Variants in LTBP1 observed in about 807,000 individuals in gnomAD.
The protein encoded by LTBP1 is latent transforming growth factor beta binding protein 1.
In LTBP1, 129 loss-of-function variants were observed where a neutral mutation model predicts 207.6. That is an observed-to-expected ratio of 0.62 (90% confidence interval 0.54 to 0.72). The LOEUF (loss-of-function observed/expected upper bound fraction) is 0.72. Ranked by LOEUF, LTBP1 falls within the 30% of genes least tolerant of loss-of-function variation. The pLI, the probability that LTBP1 is intolerant of heterozygous loss-of-function variation, is 0.00. For synonymous variants in LTBP1, 963 were observed against 833.7 expected (o/e 1.16, Z -2.67); for missense variants, 2,281 against 2,217.2 (o/e 1.03, Z -0.58).
At chr2:33,061,085 T>C (rs982213533) in intron 3 of LTBP1, among the ~76,000 whole-genome samples, 23 of 152,234 alleles carry the variant, frequency 1.5e-4, no homozygotes, top group Admixed American at 7.8e-4. Context: ...GATAAGGCAA[T>C]TGAAGTATTT....
At chr2:33,232,667 G>A (rs1377945) in intron 9 of LTBP1, among the ~76,000 whole-genome samples, 1 of 151,890 alleles carries the variant, frequency 6.6e-6, no homozygotes, top group Non-Finnish European at 1.5e-5. Flanking sequence ...ACAACAAATA[G>A]GTTTTTAAAG....
chr2:33,287,942 C>A (rs2093697291), intron 19 of LTBP1, among the ~76,000 whole-genome samples: 1 of 152,138 alleles, frequency 6.6e-6, no homozygotes, highest in African/African-American at 2.4e-5. Context: ...GTTCTTCCAT[C>A]TTCTTTAATA....
chr2:33,285,461 T>G (rs2093647728), intron 19 of LTBP1, among the ~76,000 whole-genome samples: 1 of 148,928 alleles, frequency 6.7e-6, no homozygotes, highest in African/African-American at 2.5e-5. Context: ...CTTTTTTTTT[T>G]TTTTTGAGAC....
rs147503716 is a variant in LTBP1 at position 33,354,795 on chromosome 2, G to A, written c.4001-5802G>A. On this transcript the variant is annotated intron_variant, in intron 26 of 33. Transcript: ENST00000404816. ...CTCGCTCTGTTGCCCAGGCTGGAGT[G>A]TAGTGTACGATCATGGTTCACTGCA... is the stretch of plus-strand genomic sequence containing the variant. Among the ~76,000 whole-genome samples the A allele has an allele frequency of 1.0e-3, 153 of 151,944 alleles. 3 individuals carry two copies. The highest frequency in any genetic ancestry group is 3.4e-3 in the African/African-American group (141 of 41,396).
rs537790966 is a variant in LTBP1 at position 33,349,127 on chromosome 2, C to T, written c.4000+1617C>T. ...ACTAGAAATCATAAAAAGGTAACAT[C>T]TTCTAAATTTAATTTTTAACTCAAA... is the stretch of plus-strand genomic sequence containing the variant. On this transcript the variant is annotated intron_variant, in intron 26 of 33. Transcript: ENST00000404816. Among the ~76,000 whole-genome samples, 3 of 152,268 alleles carry T rather than the reference C, an allele frequency of 2.0e-5. No homozygotes were observed. The East Asian group carries it at 5.8e-4, about 29-fold the overall frequency.
At chr2:33,317,410 G>T (rs991952550) in intron 24 of LTBP1, among the ~76,000 whole-genome samples, 1 of 152,216 alleles carries the variant, frequency 6.6e-6, no homozygotes, top group Admixed American at 6.5e-5. Context: ...TCTTTCTGGA[G>T]TAAGTTCTGC....
At chr2:33,037,780 T>C (rs970776285) in intron 3 of LTBP1, among the ~76,000 whole-genome samples, 5 of 152,224 alleles carry the variant, frequency 3.3e-5, no homozygotes, top group African/African-American at 1.2e-4. Context: ...TGCCGTGGCA[T>C]GACCATGGCT....
intron 5 of LTBP1, among the ~76,000 whole-genome samples, chr2:33,166,069 T>TG (rs1305772900): frequency 6.2e-5 from 3 of 48,406 alleles, no homozygotes; most frequent in African/African-American, 1.6e-4. Flanking sequence ...TAATGTATGT[T>TG]TTTTTTTTTT....
At chr2:33,079,651 C>T (rs531026071) in intron 3 of LTBP1, among the ~76,000 whole-genome samples, 123 of 152,140 alleles carry the variant, frequency 8.1e-4, no homozygotes, top group African/African-American at 2.8e-3. Context: ...CCAGTTGCAC[C>T]CTGCTTTCTG....
intron 2 of LTBP1, among the ~76,000 whole-genome samples, chr2:32,955,004 G>A (rs1677850988): frequency 6.6e-6 from 1 of 152,196 alleles, no homozygotes; most frequent in African/African-American, 2.4e-5. Flanking sequence ...ACACATGAAT[G>A]TCCAGCGGGA....
Position 33,227,995 on chromosome 2 carries a change from C to T in LTBP1, c.1876+5844C>T, listed in dbSNP as rs139133254. Among the ~76,000 whole-genome samples the T allele has an allele frequency of 6.7e-3, 1,013 of 151,766 alleles. 8 individuals are homozygous for T. Among genetic ancestry groups the T allele is most frequent in the Middle Eastern group, 0.031 (9 of 292 alleles). ...ACTTTTTTTATATTTTCAGTAGAGACGGGGTTTCACTGTGTTGGCCAGGAA... is the reference window on the plus strand; with the variant it reads ...ACTTTTTTTATATTTTCAGTAGAGATGGGGTTTCACTGTGTTGGCCAGGAA... On this transcript the variant is annotated intron_variant, in intron 9 of 33. Coordinates refer to ENST00000404816, the MANE Select transcript of LTBP1 (RefSeq NM_206943.4).
chr2:33,256,631 T>C (rs2092859341), intron 11 of LTBP1, among the ~76,000 whole-genome samples: 1 of 150,138 alleles, frequency 6.7e-6, no homozygotes. Context: ...ACATATAGTG[T>C]CTTCTATATA....
chr2:32,959,603 A>ATATATG (rs1367892055), intron 2 of LTBP1, among the ~76,000 whole-genome samples: 1,501 of 40,788 alleles, frequency 0.037, 61 homozygotes, highest in Middle Eastern at 0.089. Context: ...ACGTGTATAT[A>ATATATG]TATATATATA....
intron 9 of LTBP1, among the ~76,000 whole-genome samples, chr2:33,240,644 TC>T (rs1471905733): frequency 8.3e-5 from 12 of 145,076 alleles, no homozygotes; most frequent in Non-Finnish European, 1.2e-4. Context: ...ATGGAAACAT[TC>T]TTTTTTTTTT....
chr2:32,970,439 G>A (rs1680680583), intron 2 of LTBP1, among the ~76,000 whole-genome samples: 2 of 152,046 alleles, frequency 1.3e-5, no homozygotes, highest in African/African-American at 4.8e-5. Context: ...TTTTGTATAT[G>A]GTGTAAGGAA....
At chr2:33,171,854 A>C (rs2085489033) in intron 5 of LTBP1, among the ~76,000 whole-genome samples, 1 of 152,340 alleles carries the variant, frequency 6.6e-6, no homozygotes, top group African/African-American at 2.4e-5. Flanking sequence ...GCCAATATTC[A>C]ACATTCTTAA....
intron 13 of LTBP1, among the ~76,000 whole-genome samples, chr2:33,260,505 C>T (rs2147956605): frequency 6.6e-6 from 1 of 152,220 alleles, no homozygotes; most frequent in African/African-American, 2.4e-5. Flanking sequence ...TGAGGCAATA[C>T]ATACATGAGT....
intron 26 of LTBP1, among the ~76,000 whole-genome samples, chr2:33,352,941 C>T (rs2094801711): frequency 6.6e-6 from 1 of 150,840 alleles, no homozygotes. Flanking sequence ...ACTCTTCTGC[C>T]TACTGTGCCC....
intron 32 of LTBP1, among the ~76,000 whole-genome samples, chr2:33,396,600 C>T (rs1030379781): frequency 2.0e-5 from 3 of 152,140 alleles, no homozygotes; most frequent in Non-Finnish European, 4.4e-5. Context: ...CCTTTGATCC[C>T]CTGGGAGCCC....
Sources: gnomAD v4.1 joint callset for allele counts (sites outside exome capture counted in the v4.1 genomes callset) on GRCh38, gnomAD v4.1.1 for gene constraint, MANE v1.5 for transcripts, NCBI Gene and HGNC (gene_info 2026-07-23, HGNC 2026-07-21) for gene names.